The following DET1 variants were observed in gnomAD, a reference collection of about 807,000 sequenced individuals.
The protein encoded by DET1 is DET1 homolog.
A neutral mutation model predicts 43.7 loss-of-function variants in DET1; 22 were observed. That is an observed-to-expected ratio of 0.50 (90% CI 0.36 to 0.72). The LOEUF (loss-of-function observed/expected upper bound fraction) is 0.72, where lower values mean the gene tolerates loss of function less well. Ranked by LOEUF, DET1 falls within the 30% of genes least tolerant of loss-of-function variation. DET1 has a pLI of 0.00. For missense variants in DET1, 713 were observed against 713.3 expected (o/e 1.00, Z 0.00); for synonymous variants, 315 against 266.2 (o/e 1.18, Z -1.79).
At position 88,512,835 on chromosome 15, in the gene DET1, G is replaced by GTA; in HGVS notation, c.*114_*115dup. The GTA allele has an allele frequency of 6.7e-7, 1 of 1,484,512 alleles. No homozygotes were observed. The highest frequency in any genetic ancestry group is 1.4e-5 in the South Asian group (1 of 71,302). The allele number at this position is 1,484,512 out of a possible 1,614,324, so 92.0% of individuals were successfully genotyped here. ...TCTCTCTGGCTCTCTCCCATCTGAGGTATAGCAGGCTGGAACTAACAGAGC... is the reference window on the plus strand; with the variant it reads ...TCTCTCTGGCTCTCTCCCATCTGAGGTATATAGCAGGCTGGAACTAACAGAGC... On this transcript the variant is annotated 3_prime_UTR_variant, in exon 5 of 5. Transcript: ENST00000268148.
chr15:88,517,224 GTT>G (rs397854316), intron 3 of DET1, among the ~76,000 whole-genome samples: 145 of 129,592 alleles, frequency 1.1e-3, no homozygotes, highest in African/African-American at 3.5e-3. Context: ...TGGGTTTTGG[GTT>G]TTTTTTTTTT....
Position 88,512,894 on chromosome 15 carries a change from G to A in DET1, c.*57C>T, listed in dbSNP as rs1424069575. 5.7e-6 allele frequency: 9 copies of A among 1,591,006 alleles called. No individual in the cohort carries two copies. The highest frequency in any genetic ancestry group is 7.7e-6 in the Non-Finnish European group (9 of 1,165,338). The stretch of plus-strand genomic sequence containing the variant: ...GGGAGCTTTTGCTTTGGAGTCCACT[G>A]AGATAAGTGAGTGGCAAAGTCTTGG... On this transcript the variant is annotated 3_prime_UTR_variant, in exon 5 of 5. Coordinates refer to ENST00000268148, the MANE Select transcript of DET1 (RefSeq NM_001144074.3).
At chr15:88,523,708 T>G (rs7403220) in intron 3 of DET1, among the ~76,000 whole-genome samples, 2 of 151,764 alleles carry the variant, frequency 1.3e-5, no homozygotes, top group Non-Finnish European at 2.9e-5. Flanking sequence ...CCCGAGGTGC[T>G]GGGATTGCAG....
At chr15:88,518,418 CAG>C (rs1567060028) in intron 3 of DET1, among the ~76,000 whole-genome samples, 2 of 152,038 alleles carry the variant, frequency 1.3e-5, no homozygotes, top group South Asian at 4.1e-4. Flanking sequence ...TATATGGTAA[CAG>C]GGGAAATGTT....
Position 88,522,112 on chromosome 15 carries a change from G to A in DET1, c.1272-5139C>T, listed in dbSNP as rs535692978. On this transcript the variant is annotated intron_variant, in intron 3 of 4. Coordinates refer to ENST00000268148, the MANE Select transcript of DET1 (RefSeq NM_001144074.3). ...GATAAAATAGATGCAAAAACCACAA[G>A]AGCCTAAGTAACAGTAAAATCGGAA... Among the ~76,000 whole-genome samples the A allele has an allele frequency of 5.3e-5, 8 of 152,274 alleles. No individual in the cohort carries two copies. The South Asian group carries it at 1.7e-3, about 32-fold the overall frequency.
chr15:88,534,153 C>T (rs2056888663), intron 1 of DET1, among the ~76,000 whole-genome samples: 1 of 152,090 alleles, frequency 6.6e-6, no homozygotes, highest in Non-Finnish European at 1.5e-5. Flanking sequence ...ATTTATGGGG[C>T]ATCTATTATA....
chr15:88,503,961 C>T (rs950369878), exon 8 of DET1: 2 of 151,378 alleles, frequency 1.3e-5, no homozygotes, highest in African/African-American at 4.9e-5. Flanking sequence ...TGCCACCACA[C>T]TCCAGCCTGG....
chr15:88,537,193 T>C (rs914989754), intron 1 of DET1, among the ~76,000 whole-genome samples: 2 of 152,204 alleles, frequency 1.3e-5, no homozygotes, highest in African/African-American at 2.4e-5. Flanking sequence ...AAATAGAAAG[T>C]ATCAAGCTAT....
intron 2 of DET1, 34 bp from the exon 3 acceptor site, chr15:88,527,820 C>G: frequency 1.3e-6 from 2 of 1,506,454 alleles, no homozygotes; most frequent in Non-Finnish European, 1.8e-6. Flanking sequence ...TATGGGACAG[C>G]TGAGTATAAT....
chr15:88,506,459 G>C (rs2056142564), intron 7 of DET1, among the ~76,000 whole-genome samples: 1 of 148,686 alleles, frequency 6.7e-6, no homozygotes, highest in Admixed American at 6.8e-5. Context: ...GAGGGTTATA[G>C]CTATAAAGGG....
intron 2 of DET1, among the ~76,000 whole-genome samples, chr15:88,529,524 C>A (rs544956327): frequency 6.6e-6 from 1 of 152,302 alleles, no homozygotes; most frequent in East Asian, 1.9e-4. Context: ...TCCCCTACTT[C>A]TTTTTAGAAC....
chr15:88,540,057 G>A (rs577525736), intron 1 of DET1, among the ~76,000 whole-genome samples: 34 of 151,244 alleles, frequency 2.2e-4, no homozygotes, highest in African/African-American at 3.4e-4. Context: ...TTTCCCCCTC[G>A]TCCCTGCCCC....
intron 7 of DET1, among the ~76,000 whole-genome samples, chr15:88,506,044 G>A (rs991563628): frequency 3.9e-5 from 6 of 152,152 alleles, no homozygotes; most frequent in Non-Finnish European, 5.9e-5. Flanking sequence ...GTACAACCTG[G>A]GCTGGGAGCA....
chr15:88,519,784 C>T (rs1052370314), intron 3 of DET1, among the ~76,000 whole-genome samples: 1 of 152,266 alleles, frequency 6.6e-6, no homozygotes, highest in African/African-American at 2.4e-5. Context: ...TTCTCCATGG[C>T]TGTAGAAAAA....
chr15:88,507,291 T>C (rs1322318839), intron 7 of DET1, among the ~76,000 whole-genome samples: 1 of 152,188 alleles, frequency 6.6e-6, no homozygotes, highest in Non-Finnish European at 1.5e-5. Context: ...AACATCCTCA[T>C]CTGGATATCT....
intron 1 of DET1, among the ~76,000 whole-genome samples, chr15:88,543,515 G>A (rs1021018996): frequency 2.6e-5 from 4 of 152,184 alleles, no homozygotes; most frequent in South Asian, 2.1e-4. Flanking sequence ...GAAACTGGCC[G>A]ACCTGATCTT....
downstream of DET1, among the ~76,000 whole-genome samples, chr15:88,509,590 C>T (rs1190121424): frequency 6.6e-6 from 1 of 152,280 alleles, no homozygotes; most frequent in Admixed American, 6.5e-5. Flanking sequence ...GAGTGATTAT[C>T]GTGTTAGATC....
intron 2 of DET1, 110 bp downstream of exon 2, chr15:88,530,513 C>T: frequency 6.7e-7 from 1 of 1,486,594 alleles, no homozygotes; most frequent in Non-Finnish European, 8.9e-7. Flanking sequence ...GATATCAATT[C>T]AGACTACGTG....
At chr15:88,525,155 A>G (rs1033790184) in intron 3 of DET1, among the ~76,000 whole-genome samples, 1 of 152,216 alleles carries the variant, frequency 6.6e-6, no homozygotes, top group African/African-American at 2.4e-5. Context: ...ATACTTGAAT[A>G]CCAAATTACT....
Sources: allele counts gnomAD v4.1 joint callset (sites outside exome capture counted in the v4.1 genomes callset), GRCh38; gene constraint gnomAD v4.1.1; transcripts MANE v1.5; gene names NCBI Gene and HGNC (gene_info 2026-07-23, HGNC 2026-07-21).